LARP1B: variants seen among roughly 807,000 people sequenced by gnomAD.
LARP1B encodes the protein la-related protein 1B.
LARP1B carries 76 observed loss-of-function variants against 114.2 expected under a neutral mutation model. The ratio of observed to expected loss-of-function variants is 0.67; its 90% CI spans 0.55 to 0.81. The LOEUF (loss-of-function observed/expected upper bound fraction) is 0.81. LARP1B is among the 30% of genes least tolerant of loss of function. The pLI is 0.00. For missense variants in LARP1B, 1,014 were observed against 1,075.8 expected (o/e 0.94, Z 0.80); for synonymous variants, 345 against 348.0 (o/e 0.99, Z 0.10).
In LARP1B at chr4:128,091,355, G is replaced by T. The variant is rs1365501175; in HGVS notation, c.511G>T (p.Asp171Tyr). The T allele has an allele frequency of 6.2e-7, 1 of 1,606,458 alleles. No homozygotes were observed. Among genetic ancestry groups the T allele is most frequent in the South Asian group, 1.1e-5 (1 of 88,788 alleles). Residue 171 changes from aspartate (D) to tyrosine (Y), a missense_variant, in exon 7 of 20, where the codon GAT becomes TAT. Transcript: ENST00000326639. ...TCTTTATTCACATCAAGTGAACTTT[G>T]ATTATTCATATGGTTATCAAGAACA... ...RGRGNPRLNF[D>Y]YSYGYQEHGE...
intron 11 of LARP1B, among the ~76,000 whole-genome samples, chr4:128,161,333 C>T (rs992408427): frequency 1.3e-5 from 2 of 152,128 alleles, no homozygotes; most frequent in Non-Finnish European, 2.9e-5. Flanking sequence ...GGGCCGGAAA[C>T]ACTTAAGTGA....
At chr4:128,129,860 TAA>T in intron 11 of LARP1B, among the ~76,000 whole-genome samples, 1 of 151,600 alleles carries the variant, frequency 6.6e-6, no homozygotes, top group Non-Finnish European at 1.5e-5. Context: ...TCAGAAAAAT[TAA>T]AGTGGACGGA....
chr4:128,197,201 A>T (rs929239879), intron 15 of LARP1B, among the ~76,000 whole-genome samples: 3 of 152,208 alleles, frequency 2.0e-5, no homozygotes, highest in Non-Finnish European at 2.9e-5. Flanking sequence ...GATATATATT[A>T]TGTTAGGTAT....
chr4:128,092,562 C>T (rs1366862724), intron 7 of LARP1B, among the ~76,000 whole-genome samples: 1 of 152,142 alleles, frequency 6.6e-6, no homozygotes, highest in East Asian at 1.9e-4. Flanking sequence ...AAATTTTTCT[C>T]TCCTTACAAG....
At chr4:128,203,836 G>A (rs1432199459) in intron 17 of LARP1B, among the ~76,000 whole-genome samples, 2 of 152,188 alleles carry the variant, frequency 1.3e-5, no homozygotes, top group Non-Finnish European at 2.9e-5. Flanking sequence ...TCGAAAAATA[G>A]GATCTAATTG....
At chr4:128,078,580 G>A (rs1157847548) in intron 4 of LARP1B, among the ~76,000 whole-genome samples, 11 of 151,582 alleles carry the variant, frequency 7.3e-5, no homozygotes, top group Admixed American at 2.6e-4. Context: ...CAGCCTGGGC[G>A]GCAGTGCAAG....
chr4:128,098,481 C>T, intron 8 of LARP1B, 151 bp downstream of exon 8: 1 of 624,444 alleles, frequency 1.6e-6, no homozygotes, highest in Admixed American at 3.2e-5. Flanking sequence ...TTTTGTAAAA[C>T]CTTCATAAAT....
chr4:128,088,360 G>A (rs949415420), intron 5 of LARP1B, among the ~76,000 whole-genome samples: 1 of 152,028 alleles, frequency 6.6e-6, no homozygotes, highest in African/African-American at 2.4e-5. Context: ...TTTTGAAATC[G>A]CCATGCAATG....
chr4:128,164,404 A>G (rs1473159910), intron 12 of LARP1B, among the ~76,000 whole-genome samples: 1 of 152,162 alleles, frequency 6.6e-6, no homozygotes, highest in Non-Finnish European at 1.5e-5. Context: ...CATCATAGAA[A>G]GCATACAAGT....
chr4:128,125,009 A>T (rs1435601653), intron 11 of LARP1B, among the ~76,000 whole-genome samples: 1 of 152,202 alleles, frequency 6.6e-6, no homozygotes, highest in Non-Finnish European at 1.5e-5. Context: ...TGGACCAAAG[A>T]GTGAGTAAAG....
rs1022163297 is a variant in LARP1B at position 128,155,695 on chromosome 4, G to T, written c.1525-6499G>T. 11 of 1,606,826 alleles carry T rather than the reference G, an allele frequency of 6.8e-6. No homozygotes were observed. In the African/African-American group the frequency reaches 1.2e-4, roughly 18 times the overall value. ...AAGGCCTTGTGAACAGATCAGCCCG[G>T]AGGAAGAGGAGCGCCGCCGAGTAAG... On this transcript the variant is annotated intron_variant, in intron 11 of 19. Coordinates refer to ENST00000326639, the MANE Select transcript of LARP1B (RefSeq NM_018078.4).
rs1425152450 is a variant in LARP1B, at chr4:128,089,953, G to T, written c.359-1048G>T. Among the ~76,000 whole-genome samples, 11 of 150,644 alleles carry T rather than the reference G, an allele frequency of 7.3e-5. No homozygotes were observed. In the Admixed American group the frequency reaches 7.3e-4, roughly 10 times the overall value. On this transcript the variant is annotated intron_variant, in intron 5 of 19. Transcript: ENST00000326639. ...CGCCTGGCTAATTTTTTGTATTTTT[G>T]GTAGAGGCAGGGTTTCGCCATGTTT...
At chr4:128,178,364 A>G in intron 13 of LARP1B, 67 bp from the exon 14 acceptor site, 1 of 1,133,090 alleles carries the variant, frequency 8.8e-7, no homozygotes, top group South Asian at 1.4e-5. Flanking sequence ...TTACAAAATT[A>G]TCCTTATTCT....
At chr4:128,122,979 A>C (rs1788477439) in intron 11 of LARP1B, 1 of 983,678 alleles carries the variant, frequency 1.0e-6, no homozygotes, top group South Asian at 4.7e-5. Context: ...TTTTCAGTAG[A>C]GGGTATAATA....
intron 7 of LARP1B, among the ~76,000 whole-genome samples, chr4:128,093,195 G>A (rs1000237238): frequency 6.6e-6 from 1 of 152,154 alleles, no homozygotes; most frequent in African/African-American, 2.4e-5. Context: ...TTTGATTAGT[G>A]GAGATGTGGC....
At position 128,211,122 on chromosome 4, in the gene LARP1B, C is replaced by T; in HGVS notation, c.*1069C>T. The stretch of plus-strand genomic sequence containing the variant: ...TTTTGTGAGATTTAAAAAAATAAAG[C>T]ACTTATTCTGAATTTTTTGAATTGA... On this transcript the variant is annotated 3_prime_UTR_variant, in exon 20 of 20. Coordinates refer to ENST00000326639, the MANE Select transcript of LARP1B (RefSeq NM_018078.4). The T allele has an allele frequency of 1.1e-6, 1 of 897,540 alleles. No individual in the cohort carries two copies. The highest frequency in any genetic ancestry group is 5.2e-5 in the South Asian group (1 of 19,322). 55.6% of individuals were successfully genotyped at this position (897,540 alleles called of 1,614,324 possible). A position where few individuals can be genotyped will look rare whatever the true frequency, so the allele number is the denominator to read the frequency against.
chr4:128,080,230 G>T lies in LARP1B; in HGVS notation c.218-1935G>T, dbSNP rs113174553. On this transcript the variant is annotated intron_variant, in intron 4 of 19. Transcript: ENST00000326639. The stretch of plus-strand genomic sequence containing the variant: ...GCTCCCAACCTCAGGTGATCTGCCC[G>T]CCTTGGCTTCCCAAAGTGCTGGGAT... Among the ~76,000 whole-genome samples the T allele has an allele frequency of 1.2e-3, 187 of 151,810 alleles. 5 individuals carry two copies. The East Asian group carries it at 0.027, about 22-fold the overall frequency.
rs370701331 is a variant in LARP1B at position 128,172,973 on chromosome 4, A to G, written c.1649-3899A>G. Among the ~76,000 whole-genome samples, 569 of 95,600 alleles carry G rather than the reference A, an allele frequency of 6.0e-3. 4 individuals carry two copies. Among genetic ancestry groups the G allele is most frequent in the African/African-American group, 0.022 (474 of 21,896 alleles). The allele number at this position is 95,600 out of a possible 152,430, so 62.7% of individuals were successfully genotyped here. A position where few individuals can be genotyped will look rare whatever the true frequency, so the allele number is the denominator to read the frequency against. On this transcript the variant is annotated intron_variant, in intron 12 of 19. Coordinates refer to ENST00000326639, the MANE Select transcript of LARP1B (RefSeq NM_018078.4). ...TGTGTGTGTGTGTGTGTGTGTGTGT[A>G]TGTGTATGTTTTAAAATCTCAGCTG...
At chr4:128,151,821 C>G (rs1393539143) in intron 11 of LARP1B, among the ~76,000 whole-genome samples, 1 of 152,134 alleles carries the variant, frequency 6.6e-6, no homozygotes, top group African/African-American at 2.4e-5. Flanking sequence ...CCAGGTTGGT[C>G]TCGAACTCCA....
Sources: allele counts gnomAD v4.1 joint callset (sites outside exome capture counted in the v4.1 genomes callset), GRCh38; gene constraint gnomAD v4.1.1; transcripts MANE v1.5; gene names NCBI Gene and HGNC (gene_info 2026-07-23, HGNC 2026-07-21).